The following SMAD3 variants were observed in gnomAD, a reference collection of about 807,000 sequenced individuals.
SMAD3 encodes the protein SMAD family member 3, also known as MAD homolog 3.
A neutral mutation model predicts 51.8 loss-of-function variants in SMAD3; 12 were observed. That is an observed-to-expected ratio of 0.23 (90% CI 0.15 to 0.38). The LOEUF is 0.38. Among genes scored for constraint, SMAD3 ranks in the 10% least tolerant of loss-of-function variants. The probability of loss-of-function intolerance (pLI) is 1.00; values close to 1 mark genes in which losing one functional copy is unlikely to be tolerated. For synonymous variants in SMAD3, 238 were observed against 227.7 expected (o/e 1.05, Z -0.41); for missense variants, 294 against 565.6 (o/e 0.52, Z 4.87).
intron 1 of SMAD3, among the ~76,000 whole-genome samples, chr15:67,073,586 G>A (rs371570708): frequency 2.0e-4 from 31 of 152,194 alleles, no homozygotes; most frequent in Admixed American, 4.6e-4. Context: ...TTTGGGCCTC[G>A]AATGTTCTCA....
chr15:67,107,793 T>A lies in SMAD3; in HGVS notation c.206+41433T>A, dbSNP rs903621501. ...AGGAGCCATTTGATTTTGACTATTG[T>A]TGAAATTGAGTGGGGAATTTTGGGT... is the stretch of plus-strand genomic sequence containing the variant. On this transcript the variant is annotated intron_variant, in intron 1 of 8. Coordinates refer to ENST00000327367, the MANE Select transcript of SMAD3 (RefSeq NM_005902.4). Among the ~76,000 whole-genome samples, 3 of 152,216 alleles carry A rather than the reference T, an allele frequency of 2.0e-5. No individual in the cohort carries two copies. In the East Asian group the frequency reaches 5.8e-4, roughly 29 times the overall value.
chr15:67,150,354 G>A (rs556616927), intron 1 of SMAD3, among the ~76,000 whole-genome samples: 7 of 152,152 alleles, frequency 4.6e-5, no homozygotes, highest in Non-Finnish European at 7.4e-5. Flanking sequence ...AGGAATGCCC[G>A]CCTGACATTT....
intron 1 of SMAD3, among the ~76,000 whole-genome samples, chr15:67,094,782 G>A (rs894319079): frequency 6.6e-6 from 1 of 151,014 alleles, no homozygotes; most frequent in Non-Finnish European, 1.5e-5. Flanking sequence ...CTTCCAGGGT[G>A]CTCCTGACTT....
chr15:67,177,853 G>A lies in SMAD3; in HGVS notation c.659-3388G>A, dbSNP rs184625581. 5.6e-3 allele frequency among the ~76,000 whole-genome samples: 852 copies of A among 152,230 alleles called. 3 individuals carry two copies. Among genetic ancestry groups the A allele is most frequent in the Non-Finnish European group, 8.4e-3 (568 of 68,018 alleles). ...TGGGAGGAAGCAGCTGAGGCATGGT[G>A]GGCGGGAGGGACCTAGAAAGGAGGG... On this transcript the variant is annotated intron_variant, in intron 5 of 8. Transcript: ENST00000327367.
chr15:67,089,884 C>T (rs2140213061), intron 1 of SMAD3, among the ~76,000 whole-genome samples: 1 of 152,302 alleles, frequency 6.6e-6, no homozygotes, highest in Middle Eastern at 3.4e-3. Flanking sequence ...AAGTGGGTAG[C>T]ACCACTGCAT....
chr15:67,120,355 A>G (rs1265487241), intron 1 of SMAD3, among the ~76,000 whole-genome samples: 1 of 152,204 alleles, frequency 6.6e-6, no homozygotes, highest in East Asian at 1.9e-4. Flanking sequence ...TATCAAGGAT[A>G]ACAAGTCTTA....
At chr15:67,132,140 C>G (rs1346536126) in intron 1 of SMAD3, among the ~76,000 whole-genome samples, 4 of 152,122 alleles carry the variant, frequency 2.6e-5, no homozygotes, top group Admixed American at 6.5e-5. Context: ...GGATAACTAG[C>G]AAGTCTTTCA....
chr15:67,076,785 G>A (rs1221678397), intron 1 of SMAD3, among the ~76,000 whole-genome samples: 3 of 152,228 alleles, frequency 2.0e-5, no homozygotes, highest in East Asian at 3.8e-4. Context: ...AGTGTCTTGA[G>A]CCTGTTTCCA....
intron 5 of SMAD3, 176 bp downstream of exon 5, chr15:67,170,780 A>G (rs1221717699): frequency 6.7e-6 from 4 of 600,894 alleles, no homozygotes; most frequent in Non-Finnish European, 8.9e-6. Flanking sequence ...GAATGGGGAA[A>G]CTTGAGAACA....
intron 1 of SMAD3, among the ~76,000 whole-genome samples, chr15:67,085,487 T>C (rs924689395): frequency 6.6e-6 from 1 of 152,198 alleles, no homozygotes; most frequent in Non-Finnish European, 1.5e-5. Flanking sequence ...TCAGAATCAC[T>C]GTATAGTCAA....
At position 67,066,358 on chromosome 15, in the gene SMAD3, C is replaced by A; in HGVS notation, c.204C>A (p.Pro68=). The A allele has an allele frequency of 1.2e-6, 2 of 1,612,260 alleles. No homozygotes were observed. The highest frequency in any genetic ancestry group is 1.7e-6 in the Non-Finnish European group (2 of 1,179,280). Residue 68 remains proline (P), a splice_region_variant and synonymous_variant, in exon 1 of 9, where the codon CCC becomes CCA. Transcript: ENST00000327367. ...QNVNTKCITI[P]RSLDGRLQVS... is the part of the protein sequence containing the mutation. ...TCAACACCAAGTGCATCACCATCCC[C>A]AGGTGGGGGCCCGCCCGGGGGGGAC...
At chr15:67,161,947 C>T (rs1475530821) in intron 1 of SMAD3, among the ~76,000 whole-genome samples, 1 of 152,054 alleles carries the variant, frequency 6.6e-6, no homozygotes, top group South Asian at 2.1e-4. Flanking sequence ...ACCTCAGGGA[C>T]GAGTCCCAGG....
intron 1 of SMAD3, chr15:67,138,299 C>T: frequency 1.8e-6 from 1 of 542,022 alleles, no homozygotes; most frequent in Non-Finnish European, 3.3e-6. Context: ...CGCTCAGGGC[C>T]CTCTGCCTGG....
At chr15:67,146,786 T>C (rs1961986290) in intron 1 of SMAD3, 1 of 152,094 alleles carries the variant, frequency 6.6e-6, no homozygotes, top group Admixed American at 6.5e-5. Flanking sequence ...TCAGTGTTTG[T>C]AGAAAAAAGG....
chr15:67,100,623 TAAAC>T (rs1264372299), intron 1 of SMAD3, among the ~76,000 whole-genome samples: 1 of 152,156 alleles, frequency 6.6e-6, no homozygotes, highest in East Asian at 1.9e-4. Context: ...TATATTGTGA[TAAAC>T]ATATAAATTG....
chr15:67,181,751 G>A (rs1358774891), intron 6 of SMAD3, among the ~76,000 whole-genome samples: 1 of 151,684 alleles, frequency 6.6e-6, no homozygotes, highest in Non-Finnish European at 1.5e-5. Flanking sequence ...AAGGGATCAA[G>A]AAGGGAACGT....
intron 1 of SMAD3, among the ~76,000 whole-genome samples, chr15:67,073,999 G>A (rs1960113192): frequency 6.6e-6 from 1 of 152,184 alleles, no homozygotes; most frequent in Admixed American, 6.5e-5. Context: ...AAAGCTCCCA[G>A]TTGCACGCAT....
chr15:67,074,150 C>A (rs12908498), intron 1 of SMAD3, among the ~76,000 whole-genome samples: 20 of 152,054 alleles, frequency 1.3e-4, no homozygotes, highest in Non-Finnish European at 2.5e-4. Context: ...CTCCCTCTTC[C>A]TTGCCTCTTC....
chr15:67,146,521 G>A (rs1479141314), intron 1 of SMAD3, among the ~76,000 whole-genome samples: 5 of 152,200 alleles, frequency 3.3e-5, no homozygotes, highest in Non-Finnish European at 5.9e-5. Flanking sequence ...GGGTTGAGTG[G>A]GAGTCAGTGC....
Sources: gnomAD v4.1 joint callset for allele counts (sites outside exome capture counted in the v4.1 genomes callset) on GRCh38, gnomAD v4.1.1 for gene constraint, MANE v1.5 for transcripts, NCBI Gene and HGNC (gene_info 2026-07-23, HGNC 2026-07-21) for gene names.